Variants in WWTR1 observed in about 807,000 individuals in gnomAD.
WWTR1 encodes WW domain containing transcription regulator 1, also known as WW domain-containing transcription regulator protein 1.
A neutral mutation model predicts 40.1 loss-of-function variants in WWTR1; 13 were observed. That is an observed-to-expected ratio of 0.32 (90% CI 0.21 to 0.52). WWTR1 has a LOEUF of 0.52. WWTR1 is among the 20% of genes least tolerant of loss of function. The pLI, the probability that WWTR1 is intolerant of heterozygous loss-of-function variation, is 0.97. For missense variants in WWTR1, 436 were observed against 523.1 expected, an observed-to-expected ratio of 0.83 and a Z score of 1.63; for synonymous variants, 230 against 210.1, an observed-to-expected ratio of 1.09 and a Z score of -0.82.
intron 1 of WWTR1, among the ~76,000 whole-genome samples, chr3:149,697,737 T>C (rs6798295): frequency 0.092 from 14,037 of 152,184 alleles, 837 homozygotes; most frequent in African/African-American, 0.16. Flanking sequence ...AGTCCAAAAG[T>C]CCAAAGTCTC....
chr3:149,676,693 G>A (rs186734414), intron 1 of WWTR1, among the ~76,000 whole-genome samples: 3 of 152,090 alleles, frequency 2.0e-5, no homozygotes, highest in South Asian at 2.1e-4. Flanking sequence ...ATTCTAAACC[G>A]GGTCTGCCTA....
At chr3:149,566,535 C>T (rs565330315) in intron 3 of WWTR1, among the ~76,000 whole-genome samples, 3 of 151,886 alleles carry the variant, frequency 2.0e-5, no homozygotes, top group African/African-American at 4.8e-5. Flanking sequence ...ATGTGTCTGC[C>T]GTGAACTCAC....
chr3:149,603,347 G>A (rs1164249038), intron 2 of WWTR1, among the ~76,000 whole-genome samples: 1 of 152,082 alleles, frequency 6.6e-6, no homozygotes, highest in Non-Finnish European at 1.5e-5. Flanking sequence ...ACTGTACAAG[G>A]GAATGCAAAT....
intron 5 of WWTR1, among the ~76,000 whole-genome samples, chr3:149,715,457 C>A (rs546947044): frequency 6.6e-6 from 1 of 152,346 alleles, no homozygotes; most frequent in East Asian, 1.9e-4. Flanking sequence ...AACTGCCTGC[C>A]CCCTGGCAGC....
At chr3:149,652,620 CAAAAAAAAAAAAAAAAAAAAAAAAAAA>C (rs758013561) in intron 2 of WWTR1, among the ~76,000 whole-genome samples, 263 of 20,218 alleles carry the variant, frequency 0.013, 9 homozygotes, top group Admixed American at 0.075. Flanking sequence ...GACCCCATCT[CAAAAAAAAAAAAAAAAAAAAAAAAAAA>C]AAAAAAAAAA....
At chr3:149,531,955 C>T (rs558373067) in intron 4 of WWTR1, among the ~76,000 whole-genome samples, 5 of 152,178 alleles carry the variant, frequency 3.3e-5, no homozygotes, top group Non-Finnish European at 5.9e-5. Context: ...TACAACCCAA[C>T]TAGCCAGGTG....
chr3:149,723,232 A>G (rs1398772546), intron 4 of WWTR1, among the ~76,000 whole-genome samples: 3 of 119,624 alleles, frequency 2.5e-5, no homozygotes, highest in African/African-American at 1.0e-4. Context: ...CCTGTTGCCC[A>G]GGCTGGAGTT....
At chr3:149,611,583 C>T (rs1472835877) in intron 2 of WWTR1, among the ~76,000 whole-genome samples, 6 of 152,094 alleles carry the variant, frequency 3.9e-5, no homozygotes, top group Non-Finnish European at 7.3e-5. Context: ...GATTACTCAA[C>T]GTTTCAAAAG....
chr3:149,601,525 C>T (rs2108050124), intron 2 of WWTR1, among the ~76,000 whole-genome samples: 1 of 152,222 alleles, frequency 6.6e-6, no homozygotes, highest in South Asian at 2.1e-4. Flanking sequence ...AAACAAAGCA[C>T]CCAAAAATGC....
At chr3:149,665,659 T>A (rs1292545333) in intron 2 of WWTR1, among the ~76,000 whole-genome samples, 48 of 152,214 alleles carry the variant, frequency 3.2e-4, no homozygotes. Flanking sequence ...TTTTTAAGAA[T>A]TTTTATAATT....
At chr3:149,606,153 A>G (rs1739474729) in intron 2 of WWTR1, among the ~76,000 whole-genome samples, 2 of 152,156 alleles carry the variant, frequency 1.3e-5, no homozygotes, top group South Asian at 4.1e-4. Flanking sequence ...TTGATCTTGT[A>G]CTTCCTAGCT....
intron 2 of WWTR1, among the ~76,000 whole-genome samples, chr3:149,573,972 T>G (rs1737765730): frequency 6.6e-6 from 1 of 152,072 alleles, no homozygotes; most frequent in African/African-American, 2.4e-5. Flanking sequence ...AGTAGATTCA[T>G]CCCGTTCCTC....
rs1378713916 is a variant in WWTR1 at position 149,668,874 on chromosome 3, G to A, written c.-4+914C>T. On this transcript the variant is annotated intron_variant, in intron 2 of 7. Transcript: ENST00000465804. ...TGTTTGAACACCCCACAAAAAGACT[G>A]CCATGAAGTCTCATTCTGTTTGGCT... Among the ~76,000 whole-genome samples the A allele has an allele frequency of 6.6e-5, 10 of 152,238 alleles. No homozygotes were observed. The South Asian group carries it at 1.9e-3, about 28-fold the overall frequency.
intron 3 of WWTR1, among the ~76,000 whole-genome samples, chr3:149,563,663 A>G (rs1360727498): frequency 1.3e-5 from 2 of 152,198 alleles, no homozygotes; most frequent in East Asian, 3.8e-4. Context: ...TAAATTAAAG[A>G]CTGAACGATT....
chr3:149,587,252 T>C (rs1738470685), intron 2 of WWTR1, among the ~76,000 whole-genome samples: 1 of 152,150 alleles, frequency 6.6e-6, no homozygotes, highest in South Asian at 2.1e-4. Context: ...CCAGTTGGTG[T>C]CTGCTAGGGA....
At chr3:149,574,212 T>G (rs13096866) in intron 2 of WWTR1, among the ~76,000 whole-genome samples, 1 of 151,744 alleles carries the variant, frequency 6.6e-6, no homozygotes, top group Non-Finnish European at 1.5e-5. Flanking sequence ...TTTTAAAAAA[T>G]TTTTTTTGTA....
intron 2 of WWTR1, among the ~76,000 whole-genome samples, chr3:149,628,950 A>AT (rs946180477): frequency 5.3e-4 from 81 of 151,706 alleles, no homozygotes; most frequent in African/African-American, 1.9e-3. Context: ...TAAAAAAAAA[A>AT]ATTGTAGAGA....
At chr3:149,538,062 G>A (rs575728192) in intron 4 of WWTR1, among the ~76,000 whole-genome samples, 7 of 151,658 alleles carry the variant, frequency 4.6e-5, no homozygotes, top group South Asian at 4.2e-4. Context: ...TGAGACTACC[G>A]GCACCCGCCA....
chr3:149,530,810 A>G (rs578227860), intron 4 of WWTR1, among the ~76,000 whole-genome samples: 1 of 152,122 alleles, frequency 6.6e-6, no homozygotes, highest in Non-Finnish European at 1.5e-5. Context: ...AGACTTAATC[A>G]CCAAGTCATC....
Sources: allele counts gnomAD v4.1 joint callset (sites outside exome capture counted in the v4.1 genomes callset), GRCh38; gene constraint gnomAD v4.1.1; transcripts MANE v1.5; gene names NCBI Gene and HGNC (gene_info 2026-07-23, HGNC 2026-07-21).